Variants in CABIN1 observed in about 807,000 individuals in gnomAD.
CABIN1 encodes calcineurin binding protein 1.
Under a neutral mutation model 227.7 loss-of-function variants are expected in CABIN1, and 133 were observed. The observed-to-expected ratio is 0.58, with a 90% CI of 0.51 to 0.67. The LOEUF is 0.67. CABIN1 is among the 30% of genes least tolerant of loss of function. CABIN1 has a pLI of 0.00. For synonymous variants in CABIN1, 1,086 were observed against 1,155.1 expected, an observed-to-expected ratio of 0.94 and a Z score of 1.21; for missense variants, 2,408 against 2,852.5, an observed-to-expected ratio of 0.84 and a Z score of 3.55.
Position 24,178,306 on chromosome 22 carries a change from C to T in CABIN1, c.*110C>T. 3 of 1,399,188 alleles carry T rather than the reference C, an allele frequency of 2.1e-6. No individual in the cohort carries two copies. Among genetic ancestry groups the T allele is most frequent in the Non-Finnish European group, 2.9e-6 (3 of 1,018,808 alleles). The allele number at this position is 1,399,188 out of a possible 1,614,324, so 86.7% of individuals were successfully genotyped here. A position where few individuals can be genotyped will look rare whatever the true frequency, so the allele number is the denominator to read the frequency against. On this transcript the variant is annotated 3_prime_UTR_variant, in exon 37 of 37. Transcript: ENST00000263119. ...AGGCCCACATGGATGCCACTCCCCA[C>T]ACAGCCCCCAGGCCTGCCCAGCCCA...
chr22:24,026,558 A>T (rs1483278027), intron 1 of CABIN1, among the ~76,000 whole-genome samples: 1 of 151,984 alleles, frequency 6.6e-6, no homozygotes, highest in Non-Finnish European at 1.5e-5. Context: ...TTTGTATTAC[A>T]TGTGAATTTT....
At chr22:24,136,692 G>A (rs571265377) in intron 29 of CABIN1, among the ~76,000 whole-genome samples, 145 of 150,712 alleles carry the variant, frequency 9.6e-4, no homozygotes, top group African/African-American at 3.4e-3. Flanking sequence ...TGGACACTTA[G>A]ATTAGTTTGT....
At chr22:24,057,930 C>T (rs1453917069) in intron 10 of CABIN1, among the ~76,000 whole-genome samples, 3 of 152,212 alleles carry the variant, frequency 2.0e-5, no homozygotes, top group African/African-American at 7.2e-5. Context: ...CTTTTTACTC[C>T]AAGGTCTTGT....
At position 24,087,522 on chromosome 22, in the gene CABIN1, C is replaced by G. The variant is rs2041246472; in HGVS notation, c.3334C>G (p.Leu1112Val). The change falls in exon 23 of 37, where the codon CTG becomes GTG. Residue 1112 changes from leucine to valine, a missense_variant. Coordinates refer to ENST00000263119, the MANE Select transcript of CABIN1 (RefSeq NM_012295.4). The part of the protein sequence containing the change: ...RIQDKLNSNE[L>V]KSDGPIWKHA... ...TCAGGACAAGCTGAACTCCAATGAG[C>G]TGAAGAGTGATGGGCCCATTTGGAA... is the stretch of plus-strand genomic sequence containing the variant. 1 of 1,614,094 alleles carries G rather than the reference C, an allele frequency of 6.2e-7. No homozygotes were observed. Among genetic ancestry groups the G allele is most frequent in the Middle Eastern group, 1.6e-4 (1 of 6,084 alleles).
chr22:24,030,031 T>C (rs527860253), intron 1 of CABIN1, among the ~76,000 whole-genome samples: 18 of 152,366 alleles, frequency 1.2e-4, no homozygotes, highest in African/African-American at 3.6e-4. Flanking sequence ...CATGTAATAC[T>C]TGGGCATTGA....
chr22:24,168,601 C>T, intron 33 of CABIN1, 80 bp downstream of exon 33: 1 of 1,124,566 alleles, frequency 8.9e-7, no homozygotes. Flanking sequence ...GGCTGAGAAG[C>T]AGATCCACTC....
rs145864566 is a variant in CABIN1, at chr22:24,136,524, A to ATTTTTTTTTTTTTTTT, written c.4746+2118_4746+2133dup. ...ACTGCCACGCCCAGCTAATTTTTGT[A>ATTTTTTTTTTTTTTTT]TTTTTTTTTTTTTTTTTTTTTTTTA... On this transcript the variant is annotated intron_variant, in intron 29 of 36. Coordinates refer to ENST00000263119, the MANE Select transcript of CABIN1 (RefSeq NM_012295.4). 6.7e-4 allele frequency among the ~76,000 whole-genome samples: 47 copies of ATTTTTTTTTTTTTTTT among 69,874 alleles called. 3 individuals are homozygous for ATTTTTTTTTTTTTTTT. The highest frequency in any genetic ancestry group is 2.4e-3 in the African/African-American group (39 of 16,480). The allele number at this position is 69,874 out of a possible 152,430, so 45.8% of individuals were successfully genotyped here. A position where few individuals can be genotyped will look rare whatever the true frequency, so the allele number is the denominator to read the frequency against.
At chr22:24,088,548 C>T (rs938090533) in intron 23 of CABIN1, among the ~76,000 whole-genome samples, 1 of 151,912 alleles carries the variant, frequency 6.6e-6, no homozygotes, top group Non-Finnish European at 1.5e-5. Flanking sequence ...GCAGAGGTTG[C>T]AGGGAGCTGA....
intron 1 of CABIN1, among the ~76,000 whole-genome samples, chr22:24,013,080 T>C (rs73163687): frequency 1.3e-5 from 2 of 151,350 alleles, no homozygotes; most frequent in Non-Finnish European, 2.9e-5. Context: ...TTTTTTTTTT[T>C]AAAAGCTCCT....
At chr22:24,170,763 C>CCG (rs3031762) in intron 33 of CABIN1, among the ~76,000 whole-genome samples, 9 of 149,156 alleles carry the variant, frequency 6.0e-5, no homozygotes, top group African/African-American at 2.2e-4. Flanking sequence ...CCCCCCCCCC[C>CCG]GCCCCCATGC....
intron 26 of CABIN1, among the ~76,000 whole-genome samples, chr22:24,106,819 T>G (rs1362502502): frequency 2.6e-5 from 4 of 152,350 alleles, no homozygotes; most frequent in African/African-American, 9.6e-5. Flanking sequence ...AGCTTTTTCA[T>G]TCATCCCTTT....
At chr22:24,041,762 A>G (rs1428196512) in intron 5 of CABIN1, among the ~76,000 whole-genome samples, 1 of 152,204 alleles carries the variant, frequency 6.6e-6, no homozygotes, top group African/African-American at 2.4e-5. Context: ...AGCACCAGAC[A>G]CTGCGCTGTT....
chr22:24,041,243 T>C lies in CABIN1; in HGVS notation c.315T>C (p.Asp105=). The change falls in exon 5 of 37, where the codon GAT becomes GAC. Residue 105 remains aspartate (D), a synonymous_variant. Coordinates refer to ENST00000263119, the MANE Select transcript of CABIN1 (RefSeq NM_012295.4). ...NLAQLAAQRE[D]LETAMEFYLE... ...CCCAGCTGGCAGCCCAGCGGGAGGA[T>C]CTGGAGACAGCCATGGAGTTCTACT... The C allele has an allele frequency of 1.9e-6, 3 of 1,614,170 alleles. No individual in the cohort carries two copies. Among genetic ancestry groups the C allele is most frequent in the Non-Finnish European group, 2.5e-6 (3 of 1,180,020 alleles).
In CABIN1 at chr22:24,119,356, C is replaced by T; in HGVS notation, c.4301-11C>T. ...CCAGGGTGACTTTCTTTCCCTTCTTCTCAACTGTAGGAAAAAACGAGGAGT... is the reference window on the plus strand; with the variant it reads ...CCAGGGTGACTTTCTTTCCCTTCTTTTCAACTGTAGGAAAAAACGAGGAGT... On this transcript the variant is annotated splice_polypyrimidine_tract_variant and intron_variant, in intron 27 of 36. Transcript: ENST00000263119. 6.2e-7 allele frequency: 1 copy of T among 1,609,746 alleles called. No individual in the cohort carries two copies. The highest frequency in any genetic ancestry group is 8.5e-7 in the Non-Finnish European group (1 of 1,179,380).
intron 29 of CABIN1, among the ~76,000 whole-genome samples, 154 bp downstream of exon 29, chr22:24,134,569 A>G (rs533875346): frequency 6.6e-6 from 1 of 152,304 alleles, no homozygotes; most frequent in African/African-American, 2.4e-5. Flanking sequence ...AGAGTGAGCC[A>G]GACTCCGGTG....
chr22:24,176,316 G>A (rs1392471771), intron 35 of CABIN1, 41 bp downstream of exon 35: 1 of 1,568,372 alleles, frequency 6.4e-7, no homozygotes. Flanking sequence ...GCCCCCAGGA[G>A]GCTGCCTCAC....
rs779235502 is a variant in CABIN1 at position 24,063,045 on chromosome 22, C to T, written c.1783C>T (p.Gln595Ter). The part of the protein sequence containing the change: ...PGTHCLGDLL[Q>*]LSFASSQRDL... ...GACCCACTGCCTGGGTGACCTCCTA[C>T]AGCTGTCATTTGCCTCGTCCCAGCG... Residue 595 changes from glutamine (Q) to a stop codon, truncating the protein, a stop_gained, in exon 14 of 37, where the codon CAG becomes TAG. Transcript: ENST00000263119. LOFTEE classifies it high-confidence loss of function. The T allele has an allele frequency of 6.2e-7, 1 of 1,614,186 alleles. No individual in the cohort carries two copies.
At chr22:24,104,511 T>C (rs1382404628) in intron 26 of CABIN1, among the ~76,000 whole-genome samples, 1 of 152,200 alleles carries the variant, frequency 6.6e-6, no homozygotes, top group African/African-American at 2.4e-5. Context: ...CAGTGCTCAG[T>C]TGGCCCTCAC....
chr22:24,058,796 C>T (rs2038983822), intron 10 of CABIN1, among the ~76,000 whole-genome samples: 1 of 152,200 alleles, frequency 6.6e-6, no homozygotes, highest in African/African-American at 2.4e-5. Flanking sequence ...TTTCTCTGAC[C>T]CTGCTCTCTA....
Sources: gnomAD v4.1 joint callset for allele counts (sites outside exome capture counted in the v4.1 genomes callset) on GRCh38, gnomAD v4.1.1 for gene constraint, MANE v1.5 for transcripts, NCBI Gene and HGNC (gene_info 2026-07-23, HGNC 2026-07-21) for gene names.